Variants in CSMD1 observed in about 807,000 individuals in gnomAD.
CSMD1 encodes CUB and sushi domain-containing protein 1.
Under a neutral mutation model 417.5 loss-of-function variants are expected in CSMD1, and 213 were observed. The observed-to-expected ratio is 0.51, with a 90% CI of 0.46 to 0.57. The LOEUF is 0.57. Ranked by LOEUF, CSMD1 falls within the 20% of genes least tolerant of loss-of-function variation. The probability of loss-of-function intolerance (pLI) is 0.00; values close to 1 mark genes in which losing one functional copy is unlikely to be tolerated. For missense variants in CSMD1, 6,923 were observed against 4,529.7 expected (o/e 1.53, Z -15.17); for synonymous variants, 2,862 against 1,736.8 (o/e 1.65, Z -16.11).
At chr8:4,547,913 A>G (rs548563506) in intron 2 of CSMD1, among the ~76,000 whole-genome samples, 1 of 152,360 alleles carries the variant, frequency 6.6e-6, no homozygotes, top group African/African-American at 2.4e-5. Context: ...GACAAAATAA[A>G]GGCCGAGAAA....
chr8:4,523,744 A>C (rs554570090), intron 2 of CSMD1, among the ~76,000 whole-genome samples: 1 of 152,290 alleles, frequency 6.6e-6, no homozygotes, highest in East Asian at 1.9e-4. Context: ...GTAGGAAATA[A>C]ATAAAATAAT....
At chr8:4,230,044 CT>C (rs1212370653) in intron 3 of CSMD1, among the ~76,000 whole-genome samples, 2 of 152,170 alleles carry the variant, frequency 1.3e-5, no homozygotes, top group African/African-American at 4.8e-5. Flanking sequence ...ATAAGAACAT[CT>C]TACGTGCGTG....
rs78898707 is a variant in CSMD1, at chr8:3,818,016, A to C, written c.819-63974T>G. Among the ~76,000 whole-genome samples the C allele has an allele frequency of 7.9e-3, 1,206 of 152,254 alleles. 20 individuals are homozygous for C. Among genetic ancestry groups the C allele is most frequent in the African/African-American group, 0.026 (1,090 of 41,538 alleles). ...AAAGCCCATTTTTACTTTATTTTAA[A>C]ACCTTCCAACCCCAAACCACGACTC... On this transcript the variant is annotated intron_variant, in intron 5 of 69. Coordinates refer to ENST00000635120, the MANE Select transcript of CSMD1 (RefSeq NM_033225.6).
At chr8:4,446,460 A>G (rs1798794365) in intron 2 of CSMD1, among the ~76,000 whole-genome samples, 1 of 152,016 alleles carries the variant, frequency 6.6e-6, no homozygotes, top group Non-Finnish European at 1.5e-5. Flanking sequence ...AGGTGGGACG[A>G]TCACCGAACT....
At chr8:3,721,011 C>T (rs1563309132) in intron 6 of CSMD1, among the ~76,000 whole-genome samples, 6 of 152,072 alleles carry the variant, frequency 3.9e-5, no homozygotes, top group South Asian at 2.1e-4. Context: ...TTAGTACAGA[C>T]GGGGTTTCAC....
At chr8:3,654,606 T>C (rs1201393892) in intron 7 of CSMD1, among the ~76,000 whole-genome samples, 6 of 152,220 alleles carry the variant, frequency 3.9e-5, no homozygotes, top group African/African-American at 9.6e-5. Flanking sequence ...ACCTCCCATA[T>C]CTTTTTCAAA....
intron 3 of CSMD1, among the ~76,000 whole-genome samples, chr8:4,395,885 C>G (rs763134061): frequency 6.6e-6 from 1 of 152,174 alleles, no homozygotes; most frequent in Non-Finnish European, 1.5e-5. Flanking sequence ...GGTAGTGTAT[C>G]TAGAAACACA....
At chr8:3,065,144 A>G (rs1219857036) in intron 49 of CSMD1, among the ~76,000 whole-genome samples, 1 of 152,210 alleles carries the variant, frequency 6.6e-6, no homozygotes, top group Non-Finnish European at 1.5e-5. Flanking sequence ...TTCATAAATA[A>G]GCAAATAATG....
chr8:3,162,178 T>A lies in CSMD1; in HGVS notation c.5825A>T (p.Glu1942Val), dbSNP rs1221385784. The A allele has an allele frequency of 6.2e-7, 1 of 1,607,376 alleles. No individual in the cohort carries two copies. The highest frequency in any genetic ancestry group is 8.5e-7 in the Non-Finnish European group (1 of 1,176,598). ...MVNDVLSFQC[E>V]PGYTLQGRSH... The stretch of plus-strand genomic sequence containing the variant: ...GGATACCTGCAGGGTGTACCCGGGC[T>A]CGCACTGGAAGGAGAGCACGTCGTT... Residue 1942 changes from glutamate to valine, a missense_variant, in exon 38 of 70, where the codon GAG becomes GTG. Coordinates refer to ENST00000635120, the MANE Select transcript of CSMD1 (RefSeq NM_033225.6).
chr8:4,700,531 A>G (rs1319981523), intron 1 of CSMD1, among the ~76,000 whole-genome samples: 1 of 152,180 alleles, frequency 6.6e-6, no homozygotes, highest in Non-Finnish European at 1.5e-5. Context: ...TCTAATAGAG[A>G]GACAAGATAT....
chr8:3,375,812 T>C (rs1420490078), intron 18 of CSMD1, among the ~76,000 whole-genome samples: 2 of 152,170 alleles, frequency 1.3e-5, no homozygotes, highest in African/African-American at 2.4e-5. Flanking sequence ...ACTCGAGGCA[T>C]TTGATCATCA....
intron 20 of CSMD1, among the ~76,000 whole-genome samples, chr8:3,363,723 C>G (rs566627296): frequency 6.6e-6 from 1 of 152,228 alleles, no homozygotes; most frequent in South Asian, 2.1e-4. Context: ...TGTAATGGCA[C>G]AAAGTGGTCC....
chr8:4,783,308 C>A (rs536300108), intron 1 of CSMD1, among the ~76,000 whole-genome samples: 1 of 152,260 alleles, frequency 6.6e-6, no homozygotes, highest in Non-Finnish European at 1.5e-5. Flanking sequence ...GTAAAACTGT[C>A]CTCCAGCCAG....
chr8:4,671,886 G>C (rs1347320664), intron 1 of CSMD1, among the ~76,000 whole-genome samples: 1 of 152,084 alleles, frequency 6.6e-6, no homozygotes, highest in Non-Finnish European at 1.5e-5. Flanking sequence ...CGAGAAGATA[G>C]AAACCCTCCA....
Position 2,974,288 on chromosome 8 carries a change from A to C in CSMD1, c.8740+163T>G, listed in dbSNP as rs1323781747. Reference sequence around the variant, plus strand: ...CGATTATTGCGAAGATGAAGACAATATCTATAAGAGCGGCGTATTTGGCTA... The same window carrying C: ...CGATTATTGCGAAGATGAAGACAATCTCTATAAGAGCGGCGTATTTGGCTA... On this transcript the variant is annotated intron_variant, in intron 56 of 69. Coordinates refer to ENST00000635120, the MANE Select transcript of CSMD1 (RefSeq NM_033225.6). Among the ~76,000 whole-genome samples the C allele has an allele frequency of 5.9e-5, 9 of 152,382 alleles. No homozygotes were observed. The South Asian group carries it at 1.9e-3, about 32-fold the overall frequency.
chr8:4,958,797 T>A (rs1222865124), intron 1 of CSMD1, among the ~76,000 whole-genome samples: 1 of 152,164 alleles, frequency 6.6e-6, no homozygotes, highest in African/African-American at 2.4e-5. Context: ...GGGGCTTTCA[T>A]GAAGAAAATA....
intron 1 of CSMD1, among the ~76,000 whole-genome samples, chr8:4,975,070 A>C (rs1260243435): frequency 6.6e-6 from 1 of 152,136 alleles, no homozygotes; most frequent in Non-Finnish European, 1.5e-5. Context: ...CTTCTCCCCA[A>C]AATCTGCAAT....
At chr8:4,193,098 T>C (rs1799124376) in intron 3 of CSMD1, among the ~76,000 whole-genome samples, 1 of 152,236 alleles carries the variant, frequency 6.6e-6, no homozygotes, top group Non-Finnish European at 1.5e-5. Context: ...GACATGTGCC[T>C]TAAATTTACT....
At chr8:3,064,297 G>T (rs920733129) in intron 49 of CSMD1, among the ~76,000 whole-genome samples, 2 of 152,184 alleles carry the variant, frequency 1.3e-5, no homozygotes, top group Non-Finnish European at 2.9e-5. Context: ...ACTGGATCAT[G>T]AAGGCAGCTG....
Sources: allele counts gnomAD v4.1 joint callset (sites outside exome capture counted in the v4.1 genomes callset), GRCh38; gene constraint gnomAD v4.1.1; transcripts MANE v1.5; gene names NCBI Gene and HGNC (gene_info 2026-07-23, HGNC 2026-07-21).